HDAC9: variants seen among roughly 807,000 people sequenced by gnomAD.
HDAC9 encodes the protein MEF-2 interacting transcription repressor (MITR) protein.
In HDAC9, 41 loss-of-function variants were observed where a neutral mutation model predicts 139.4. The observed-to-expected ratio is 0.29, with a 90% CI of 0.23 to 0.38. The LOEUF (loss-of-function observed/expected upper bound fraction) is 0.38, where lower values mean the gene tolerates loss of function less well. Ranked by LOEUF, HDAC9 falls within the 10% of genes least tolerant of loss-of-function variation. HDAC9 has a pLI of 1.00. For missense variants in HDAC9, 1,147 were observed against 1,297.0 expected, an observed-to-expected ratio of 0.88 and a Z score of 1.78; for synonymous variants, 517 against 476.2, an observed-to-expected ratio of 1.09 and a Z score of -1.12.
chr7:18,251,287 A>C (rs907986934), intron 2 of HDAC9, among the ~76,000 whole-genome samples: 1 of 152,200 alleles, frequency 6.6e-6, no homozygotes, highest in Non-Finnish European at 1.5e-5. Context: ...GTTCTCACTT[A>C]TAAGTGAGAG....
chr7:18,419,381 A>C (rs1485969227), intron 1 of HDAC9, among the ~76,000 whole-genome samples: 4 of 152,234 alleles, frequency 2.6e-5, no homozygotes, highest in Non-Finnish European at 5.9e-5. Flanking sequence ...TGAGGCTTAA[A>C]GAGTTAAGTA....
intron 1 of HDAC9, among the ~76,000 whole-genome samples, chr7:18,153,671 G>A (rs1003494989): frequency 2.0e-5 from 3 of 152,144 alleles, no homozygotes; most frequent in Non-Finnish European, 4.4e-5. Context: ...TTAGTTCTAG[G>A]AAGTCAGTGC....
intron 1 of HDAC9, among the ~76,000 whole-genome samples, chr7:18,127,863 AT>A (rs1213491713): frequency 1.3e-5 from 2 of 152,096 alleles, no homozygotes; most frequent in East Asian, 3.9e-4. Flanking sequence ...TTTGCTTTTG[AT>A]TCTTGTATAC....
intron 12 of HDAC9, among the ~76,000 whole-genome samples, chr7:18,673,986 T>C (rs1795814211): frequency 6.6e-6 from 1 of 152,084 alleles, no homozygotes; most frequent in Non-Finnish European, 1.5e-5. Flanking sequence ...AGTAAATTCA[T>C]GCATAATGTG....
chr7:18,407,157 C>T (rs1788089783), intron 1 of HDAC9, among the ~76,000 whole-genome samples: 1 of 152,074 alleles, frequency 6.6e-6, no homozygotes. Context: ...CACTCCAGAT[C>T]TTATTTATCT....
intron 1 of HDAC9, among the ~76,000 whole-genome samples, chr7:18,396,232 G>T (rs1787046009): frequency 6.6e-6 from 1 of 151,754 alleles, no homozygotes; most frequent in Non-Finnish European, 1.5e-5. Context: ...ACTGGCACTG[G>T]GAGTAGATGT....
At chr7:18,431,204 T>A (rs1250588730) in intron 1 of HDAC9, among the ~76,000 whole-genome samples, 1 of 152,146 alleles carries the variant, frequency 6.6e-6, no homozygotes. Context: ...AATTAAATAG[T>A]AAGGAACTTA....
intron 12 of HDAC9, among the ~76,000 whole-genome samples, chr7:18,687,719 T>C (rs1782375398): frequency 6.6e-6 from 1 of 151,890 alleles, no homozygotes. Flanking sequence ...TGACTCAAAA[T>C]GAATAGGAAT....
At chr7:18,617,191 C>T (rs1362336315) in intron 6 of HDAC9, among the ~76,000 whole-genome samples, 1 of 152,128 alleles carries the variant, frequency 6.6e-6, no homozygotes, top group Admixed American at 6.6e-5. Flanking sequence ...TTCCATCATA[C>T]TCCTGTCCAG....
intron 9 of HDAC9, 61 bp from the exon 10 acceptor site, chr7:18,647,724 A>G: frequency 7.3e-7 from 1 of 1,376,316 alleles, no homozygotes. Flanking sequence ...CTAATGATTT[A>G]GAGACCCAGT....
At chr7:18,581,172 C>G (rs970823822) in intron 2 of HDAC9, among the ~76,000 whole-genome samples, 17 of 152,086 alleles carry the variant, frequency 1.1e-4, no homozygotes, top group Admixed American at 1.0e-3. Context: ...CCTTTGCTCT[C>G]CTCTCTGCAA....
chr7:18,456,679 T>TA (rs1356887845), intron 1 of HDAC9, among the ~76,000 whole-genome samples: 17 of 152,188 alleles, frequency 1.1e-4, no homozygotes, highest in Admixed American at 1.1e-3. Flanking sequence ...CTATTTCAGT[T>TA]ATGATTTTCT....
intron 1 of HDAC9, among the ~76,000 whole-genome samples, chr7:18,405,274 T>C (rs1787904464): frequency 6.6e-6 from 1 of 152,238 alleles, no homozygotes; most frequent in South Asian, 2.1e-4. Flanking sequence ...TGCTTCAGAC[T>C]AGTTTTACAT....
chr7:18,533,017 T>C lies in HDAC9; in HGVS notation c.22+36693T>C, dbSNP rs1047421000. On this transcript the variant is annotated intron_variant, in intron 2 of 25. Coordinates refer to ENST00000686413, the MANE Select transcript of HDAC9 (RefSeq NM_178425.4). ...ATATGTACACTTTTCTTCTCTACTC[T>C]TCCCAGTAGTTGAATCAAATCAATA... Among the ~76,000 whole-genome samples, 5 of 152,182 alleles carry C rather than the reference T, an allele frequency of 3.3e-5. 1 individual carries two copies. The highest frequency in any genetic ancestry group is 1.2e-4 in the African/African-American group (5 of 41,430).
intron 6 of HDAC9, among the ~76,000 whole-genome samples, chr7:18,596,473 C>G (rs1029158036): frequency 6.6e-6 from 1 of 152,044 alleles, no homozygotes; most frequent in Admixed American, 6.6e-5. Context: ...AAAAGAATAA[C>G]ACTGAAATGT....
intron 1 of HDAC9, among the ~76,000 whole-genome samples, chr7:18,318,731 C>T (rs1799824981): frequency 6.6e-6 from 1 of 152,096 alleles, no homozygotes; most frequent in South Asian, 2.1e-4. Flanking sequence ...TTCAAAGAGA[C>T]CTGGGTTCAT....
chr7:18,292,279 C>T (rs979686201), intron 1 of HDAC9, among the ~76,000 whole-genome samples: 1 of 152,056 alleles, frequency 6.6e-6, no homozygotes, highest in Non-Finnish European at 1.5e-5. Flanking sequence ...AAGCTACTTA[C>T]CCAGCTCATA....
intron 1 of HDAC9, among the ~76,000 whole-genome samples, chr7:18,475,387 A>T (rs1795037715): frequency 6.6e-6 from 1 of 152,244 alleles, no homozygotes; most frequent in Non-Finnish European, 1.5e-5. Context: ...GAGGGTGCCA[A>T]GCTTCTTAGA....
chr7:18,362,640 A>T (rs1422831929), intron 1 of HDAC9, among the ~76,000 whole-genome samples: 1 of 152,150 alleles, frequency 6.6e-6, no homozygotes, highest in Non-Finnish European at 1.5e-5. Context: ...ACCCTTATTC[A>T]TGTTGTAGGA....
Sources: allele counts gnomAD v4.1 joint callset (sites outside exome capture counted in the v4.1 genomes callset), GRCh38; gene constraint gnomAD v4.1.1; transcripts MANE v1.5; gene names NCBI Gene and HGNC (gene_info 2026-07-23, HGNC 2026-07-21).